SPMIP2: variants seen among roughly 807,000 people sequenced by gnomAD.
SPMIP2 encodes the protein protein SPMIP2.
At chr4:159,007,772 C>G in the SPMIP2 span, 1 of 589,924 alleles carries the variant, frequency 1.7e-6, no homozygotes, top group East Asian at 4.5e-5. Context: ...TTTAACATAT[C>G]AGCAGCAGCA....
chr4:158,962,115 C>G, the SPMIP2 span, among the ~76,000 whole-genome samples: 1 of 152,158 alleles, frequency 6.6e-6, no homozygotes, highest in Non-Finnish European at 1.5e-5. Flanking sequence ...TACCTGCTAA[C>G]TACATTCACA....
the SPMIP2 span, among the ~76,000 whole-genome samples, chr4:158,973,860 C>A: frequency 6.6e-6 from 1 of 151,820 alleles, no homozygotes; most frequent in Non-Finnish European, 1.5e-5. Context: ...GTGGCACACA[C>A]CTGTGGTCCC....
At chr4:158,901,684 TTTGTTTTCATTTTTTCTGTAATC>T in the SPMIP2 span, among the ~76,000 whole-genome samples, 1 of 151,836 alleles carries the variant, frequency 6.6e-6, no homozygotes, top group African/African-American at 2.4e-5. Flanking sequence ...GCTTTGTTCG[TTTGTTTTCATTTTTTCTGTAATC>T]TTGTCTTCAC....
At chr4:158,944,436 T>C in the SPMIP2 span, among the ~76,000 whole-genome samples, 2 of 152,142 alleles carry the variant, frequency 1.3e-5, no homozygotes, top group Non-Finnish European at 2.9e-5. Flanking sequence ...CTTTCATGGC[T>C]CTTCTTTTTA....
At chr4:159,043,374 T>C in the SPMIP2 span, among the ~76,000 whole-genome samples, 1 of 152,106 alleles carries the variant, frequency 6.6e-6, no homozygotes, top group African/African-American at 2.4e-5. Flanking sequence ...TGAGACGGAG[T>C]CTCACTCTGT....
At chr4:159,044,089 C>T in the SPMIP2 span, among the ~76,000 whole-genome samples, 1 of 152,028 alleles carries the variant, frequency 6.6e-6, no homozygotes, top group African/African-American at 2.4e-5. Flanking sequence ...GAGAAAATTA[C>T]TTTTCTTGTT....
chr4:159,037,785 T>TATAC, the SPMIP2 span, among the ~76,000 whole-genome samples: 1 of 118,922 alleles, frequency 8.4e-6, no homozygotes, highest in Non-Finnish European at 1.7e-5. Context: ...AAACAATATA[T>TATAC]ACACACACAC....
At chr4:158,925,405 A>G in the SPMIP2 span, among the ~76,000 whole-genome samples, 1 of 152,142 alleles carries the variant, frequency 6.6e-6, no homozygotes, top group Non-Finnish European at 1.5e-5. Flanking sequence ...TGATTTTAGT[A>G]GTTTAAATGT....
the SPMIP2 span, among the ~76,000 whole-genome samples, chr4:158,926,704 CTT>C: frequency 1.3e-5 from 2 of 152,108 alleles, no homozygotes; most frequent in East Asian, 3.8e-4. Context: ...TTGTTCAAGT[CTT>C]TTAATTTCTT....
chr4:158,909,064 T>C, the SPMIP2 span, among the ~76,000 whole-genome samples: 1 of 152,226 alleles, frequency 6.6e-6, no homozygotes, highest in Non-Finnish European at 1.5e-5. Context: ...TTTAAATTTC[T>C]TTTAAATTAC....
the SPMIP2 span, among the ~76,000 whole-genome samples, chr4:159,004,310 A>G: frequency 4.5e-4 from 2 of 4,436 alleles, no homozygotes; most frequent in African/African-American, 1.4e-3. Flanking sequence ...TTTTTTTTTG[A>G]GATGGATTCT....
At chr4:159,007,784 C>A in the SPMIP2 span, 1 of 583,412 alleles carries the variant, frequency 1.7e-6, no homozygotes. Context: ...GCAGCAGCAA[C>A]CTGGAGAAAA....
chr4:159,004,084 C>T, the SPMIP2 span, among the ~76,000 whole-genome samples: 1 of 150,882 alleles, frequency 6.6e-6, no homozygotes. Context: ...TGGCGCAATC[C>T]TGGATTACTG....
chr4:158,910,919 G>C, the SPMIP2 span, among the ~76,000 whole-genome samples: 3 of 152,128 alleles, frequency 2.0e-5, no homozygotes, highest in Admixed American at 6.5e-5. Context: ...TGTTTCTCTG[G>C]AGAACCCTGA....
chr4:159,069,165 T>C, the SPMIP2 span, among the ~76,000 whole-genome samples: 1 of 151,932 alleles, frequency 6.6e-6, no homozygotes, highest in Non-Finnish European at 1.5e-5. Flanking sequence ...TAGCCAGGCG[T>C]GGTGGTGGGT....
At chr4:159,049,280 G>A in the SPMIP2 span, among the ~76,000 whole-genome samples, 27 of 152,128 alleles carry the variant, frequency 1.8e-4, no homozygotes, top group African/African-American at 4.8e-4. Context: ...TTCTTTCGCT[G>A]CACACAAGTC....
chr4:158,991,697 T>C, the SPMIP2 span, among the ~76,000 whole-genome samples: 1 of 152,308 alleles, frequency 6.6e-6, no homozygotes, highest in African/African-American at 2.4e-5. Flanking sequence ...CATAGAATTG[T>C]CAGAGCATGA....
the SPMIP2 span, among the ~76,000 whole-genome samples, chr4:159,033,864 C>T: frequency 1.1e-3 from 164 of 152,230 alleles, 1 homozygote; most frequent in Middle Eastern, 3.4e-3. Flanking sequence ...AAAAAAAGGC[C>T]AGGTTCACGC....
At chr4:158,927,422 T>C in the SPMIP2 span, among the ~76,000 whole-genome samples, 1 of 152,246 alleles carries the variant, frequency 6.6e-6, no homozygotes, top group African/African-American at 2.4e-5. Context: ...TCTTCCTTTT[T>C]CTTTTTTTGG....
Sources: allele counts gnomAD v4.1 joint callset (sites outside exome capture counted in the v4.1 genomes callset), GRCh38; gene constraint gnomAD v4.1.1; transcripts MANE v1.5; gene names NCBI Gene and HGNC (gene_info 2026-07-23, HGNC 2026-07-21).